Variants in SH3PXD2A observed in about 807,000 individuals in gnomAD.
The protein encoded by SH3PXD2A is SH3 and PX domain-containing protein 2A.
A neutral mutation model predicts 115.2 loss-of-function variants in SH3PXD2A; 32 were observed. The observed-to-expected ratio is 0.28, with a 90% CI of 0.21 to 0.37. The LOEUF (loss-of-function observed/expected upper bound fraction) is 0.37, where lower values mean the gene tolerates loss of function less well. Ranked by LOEUF, SH3PXD2A falls within the 10% of genes least tolerant of loss-of-function variation. The pLI, the probability that SH3PXD2A is intolerant of heterozygous loss-of-function variation, is 1.00. For synonymous variants in SH3PXD2A, 610 were observed against 629.1 expected (o/e 0.97, Z 0.45); for missense variants, 1,328 against 1,498.7 (o/e 0.89, Z 1.88).
At position 103,603,161 on chromosome 10, in the gene SH3PXD2A, G is replaced by A. The variant is rs768772475; in HGVS notation, c.2057C>T (p.Ser686Phe). ...NAQAEMGKNH[S>F]SASFSSSITI... ...GATGGATGAGGAAAAGGAGGCTGAG[G>A]AGTGGTTCTTCCCCATTTCTGCCTG... Residue 686 changes from serine (S) to phenylalanine (F), a missense_variant, in exon 15 of 15, where the codon TCC (serine) becomes TTC (phenylalanine). Physicochemically the swap from Ser to Phe is radical, Grantham distance 155. Around this residue, in one of 5 missense-constraint regions of SH3PXD2A, gnomAD observed 574 missense variants for 565.7 expected, o/e 1.01. Transcript: ENST00000369774. 4.3e-6 allele frequency: 7 copies of A among 1,613,764 alleles called. No homozygotes were observed. The highest frequency in any genetic ancestry group is 5.9e-6 in the Non-Finnish European group (7 of 1,180,030).
At chr10:103,846,013 C>T (rs1842845196) in intron 1 of SH3PXD2A, among the ~76,000 whole-genome samples, 1 of 152,210 alleles carries the variant, frequency 6.6e-6, no homozygotes, top group Non-Finnish European at 1.5e-5. Flanking sequence ...TAAGAGTGAT[C>T]AGTTTCCAAC....
chr10:103,697,997 G>A (rs1403859346), intron 5 of SH3PXD2A, among the ~76,000 whole-genome samples: 1 of 152,170 alleles, frequency 6.6e-6, no homozygotes, highest in Non-Finnish European at 1.5e-5. Flanking sequence ...AGGCTTCAGT[G>A]GCTGGCCCAG....
intron 6 of SH3PXD2A, among the ~76,000 whole-genome samples, chr10:103,684,939 G>A (rs1413377533): frequency 6.6e-6 from 1 of 152,094 alleles, no homozygotes; most frequent in African/African-American, 2.4e-5. Context: ...AGGATTGCTT[G>A]AAGCCAGGAG....
chr10:103,725,744 G>A (rs1177829890), intron 4 of SH3PXD2A, among the ~76,000 whole-genome samples: 2 of 152,050 alleles, frequency 1.3e-5, no homozygotes, highest in African/African-American at 2.4e-5. Context: ...GAGGAGAATC[G>A]CTTGAACCCA....
At chr10:103,708,525 G>A (rs2134153860) in intron 5 of SH3PXD2A, among the ~76,000 whole-genome samples, 1 of 152,240 alleles carries the variant, frequency 6.6e-6, no homozygotes. Flanking sequence ...GAGGGAAAAG[G>A]GGTGCATGAA....
chr10:103,686,745 ATTTT>A (rs760028346), intron 6 of SH3PXD2A, among the ~76,000 whole-genome samples: 1 of 128,574 alleles, frequency 7.8e-6, no homozygotes, highest in Non-Finnish European at 1.6e-5. Flanking sequence ...TTGCTGGGGA[ATTTT>A]TTTTTTTTTT....
intron 2 of SH3PXD2A, among the ~76,000 whole-genome samples, chr10:103,771,738 A>AACACACACACACAC (rs3068820): frequency 9.4e-4 from 134 of 143,084 alleles, no homozygotes; most frequent in African/African-American, 2.0e-3. Flanking sequence ...CCGTCAAAAC[A>AACACACACACACAC]ACACACACAC....
At chr10:103,777,146 G>C (rs1255054344) in intron 2 of SH3PXD2A, among the ~76,000 whole-genome samples, 1 of 152,258 alleles carries the variant, frequency 6.6e-6, no homozygotes. Flanking sequence ...GGTCAGGTGG[G>C]TGAGAGGATT....
intron 13 of SH3PXD2A, among the ~76,000 whole-genome samples, chr10:103,607,643 G>A (rs1317397321): frequency 6.6e-6 from 1 of 152,236 alleles, no homozygotes; most frequent in Non-Finnish European, 1.5e-5. Context: ...CACCCCGTCT[G>A]GGAGGTGTAC....
At chr10:103,613,356 G>A (rs1277448803) in intron 11 of SH3PXD2A, among the ~76,000 whole-genome samples, 166 bp from the exon 12 acceptor site, 1 of 152,198 alleles carries the variant, frequency 6.6e-6, no homozygotes, top group Admixed American at 6.5e-5. Flanking sequence ...AGGGTAGATG[G>A]AAAAGACACC....
At chr10:103,762,668 C>G (rs1052417702) in intron 3 of SH3PXD2A, among the ~76,000 whole-genome samples, 16 of 152,312 alleles carry the variant, frequency 1.1e-4, no homozygotes, top group African/African-American at 3.8e-4. Context: ...TTCCAAGGCT[C>G]TGCAGACTTC....
chr10:103,834,266 C>T (rs969656862), intron 1 of SH3PXD2A, among the ~76,000 whole-genome samples: 2 of 152,190 alleles, frequency 1.3e-5, no homozygotes, highest in Non-Finnish European at 2.9e-5. Context: ...GAATCCAGCT[C>T]ACCCTACGAG....
chr10:103,603,132 T>C lies in SH3PXD2A; in HGVS notation c.2086A>G (p.Ile696Val), dbSNP rs780857190. 100 of 1,613,326 alleles carry C rather than the reference T, an allele frequency of 6.2e-5. No individual in the cohort carries two copies. In the East Asian group the frequency reaches 2.2e-3, roughly 36 times the overall value. ...SSASFSSSIT[I>V]NTTCCSSSSS... is the part of the protein sequence containing the mutation. ...GAGGAGGAGCAGCAAGTGGTGTTGA[T>C]GGTGATGGATGAGGAAAAGGAGGCT... The change falls in exon 15 of 15, where the codon ATC becomes GTC. Residue 696 changes from isoleucine (I) to valine (V), a missense_variant. By Grantham distance (29) the Ile-to-Val change is conservative (BLOSUM62 3). This residue lies in a region of SH3PXD2A where 574 missense variants were observed against 565.7 expected (regional missense o/e 1.01). Coordinates refer to ENST00000369774, the MANE Select transcript of SH3PXD2A (RefSeq NM_001394015.1).
At chr10:103,817,890 T>C (rs1405366481) in intron 1 of SH3PXD2A, among the ~76,000 whole-genome samples, 1 of 152,078 alleles carries the variant, frequency 6.6e-6, no homozygotes, top group Non-Finnish European at 1.5e-5. Context: ...AGAAAGTAGA[T>C]TTGTGGTTGC....
chr10:103,778,367 G>A (rs1388409590), intron 2 of SH3PXD2A, among the ~76,000 whole-genome samples: 1 of 152,140 alleles, frequency 6.6e-6, no homozygotes, highest in African/African-American at 2.4e-5. Flanking sequence ...AATAGGTAGA[G>A]CGCTTTAACA....
intron 5 of SH3PXD2A, among the ~76,000 whole-genome samples, chr10:103,713,347 C>A (rs1373503419): frequency 6.6e-6 from 1 of 152,226 alleles, no homozygotes; most frequent in Admixed American, 6.5e-5. Flanking sequence ...CCAACTGGTT[C>A]TGCTAGGACC....
chr10:103,641,711 G>GT (rs2036958098), intron 8 of SH3PXD2A, among the ~76,000 whole-genome samples: 1 of 152,190 alleles, frequency 6.6e-6, no homozygotes, highest in African/African-American at 2.4e-5. Flanking sequence ...TCTTGGAAGA[G>GT]TCGAGGGTGT....
chr10:103,843,308 G>A (rs2039617987), intron 1 of SH3PXD2A, among the ~76,000 whole-genome samples: 1 of 152,156 alleles, frequency 6.6e-6, no homozygotes, highest in Admixed American at 6.5e-5. Context: ...CCAACTGCTG[G>A]CACCCAAGTC....
intron 2 of SH3PXD2A, among the ~76,000 whole-genome samples, chr10:103,799,306 T>C (rs1283348012): frequency 6.6e-6 from 1 of 152,250 alleles, no homozygotes; most frequent in Non-Finnish European, 1.5e-5. Context: ...CTTTTCAAAA[T>C]GAACGCCACT....
Sources: gnomAD v4.1 joint callset for allele counts (sites outside exome capture counted in the v4.1 genomes callset) on GRCh38, gnomAD v4.1.1 for gene constraint, gnomAD v4.1.1 regional missense constraint, MANE v1.5 for transcripts, NCBI Gene and HGNC (gene_info 2026-07-23, HGNC 2026-07-21) for gene names.